Variants in CHN2 observed in about 807,000 individuals in gnomAD.
CHN2 encodes the protein chimerin 2.
A neutral mutation model predicts 56.3 loss-of-function variants in CHN2; 35 were observed. That is an observed-to-expected ratio of 0.62 (90% CI 0.47 to 0.82). The LOEUF is 0.82. Ranked by LOEUF, CHN2 falls within the 40% of genes least tolerant of loss-of-function variation. CHN2 has a pLI of 0.00. For missense variants in CHN2, 491 were observed against 580.5 expected (o/e 0.85, Z 1.58); for synonymous variants, 210 against 212.8 (o/e 0.99, Z 0.12).
chr7:29,400,499 C>A lies in CHN2; in HGVS notation c.291-44C>A, dbSNP rs371925471. On this transcript the variant is annotated intron_variant, in intron 5 of 12. Coordinates refer to ENST00000222792, the MANE Select transcript of CHN2 (RefSeq NM_004067.4). ...GCTATTGTTATCATTCCACACTGTG[C>A]TTATTTCTAACGTGGTTGTAATCCC... 5.5e-5 allele frequency: 87 copies of A among 1,588,022 alleles called. No individual in the cohort carries two copies. In the African/African-American group the frequency reaches 1.2e-3, roughly 21 times the overall value.
chr7:29,400,294 C>T, intron 5 of CHN2: 1 of 540,392 alleles, frequency 1.9e-6, no homozygotes. Context: ...CTGCCTCGTT[C>T]CAGTCATATA....
At chr7:29,415,128 C>A (rs1049646318) in intron 6 of CHN2, among the ~76,000 whole-genome samples, 6 of 152,238 alleles carry the variant, frequency 3.9e-5, no homozygotes, top group African/African-American at 1.2e-4. Context: ...ATTGCACTTA[C>A]AACGACTAGC....
At chr7:29,200,038 C>G (rs1227023717) in intron 1 of CHN2, 5 of 152,212 alleles carry the variant, frequency 3.3e-5, no homozygotes, top group African/African-American at 1.2e-4. Flanking sequence ...GTGGAAGCAA[C>G]TGGACATTTG....
chr7:29,422,536 C>T (rs1333462993), intron 6 of CHN2, among the ~76,000 whole-genome samples: 4 of 152,234 alleles, frequency 2.6e-5, no homozygotes, highest in Non-Finnish European at 5.9e-5. Context: ...CTGAGATTTT[C>T]CTTCACAAAT....
At chr7:29,180,828 C>T (rs1797978198) in intron 2 of CHN2, among the ~76,000 whole-genome samples, 1 of 152,160 alleles carries the variant, frequency 6.6e-6, no homozygotes, top group African/African-American at 2.4e-5. Flanking sequence ...AGACTCGTAT[C>T]ATCCGTATAC....
chr7:29,344,899 C>G (rs1341634275), intron 1 of CHN2, among the ~76,000 whole-genome samples: 1 of 152,178 alleles, frequency 6.6e-6, no homozygotes, highest in Non-Finnish European at 1.5e-5. Context: ...CATCCTCTTG[C>G]TATGTTACAG....
chr7:29,248,849 G>C (rs1239232855), intron 1 of CHN2, among the ~76,000 whole-genome samples: 3 of 152,172 alleles, frequency 2.0e-5, no homozygotes, highest in Non-Finnish European at 4.4e-5. Context: ...TGACTCTGGA[G>C]ATGAGCCGGG....
At chr7:29,300,340 A>G (rs1235905646) in intron 1 of CHN2, among the ~76,000 whole-genome samples, 1 of 152,142 alleles carries the variant, frequency 6.6e-6, no homozygotes, top group Non-Finnish European at 1.5e-5. Flanking sequence ...CTGAAAGAAG[A>G]GACAGGACTT....
intron 1 of CHN2, among the ~76,000 whole-genome samples, chr7:29,346,138 A>G (rs999379311): frequency 6.6e-6 from 1 of 152,304 alleles, no homozygotes; most frequent in African/African-American, 2.4e-5. Context: ...TGCAGCAGTC[A>G]GGATGACCTC....
At chr7:29,283,147 A>G (rs1791856246) in intron 1 of CHN2, among the ~76,000 whole-genome samples, 1 of 152,174 alleles carries the variant, frequency 6.6e-6, no homozygotes, top group Non-Finnish European at 1.5e-5. Context: ...TCCTGGGAAT[A>G]CCGTGTATTC....
rs1316945157 is a variant in CHN2, at chr7:29,442,658, C to A, written c.577-37621C>A. 2.0e-5 allele frequency among the ~76,000 whole-genome samples: 3 copies of A among 152,266 alleles called. No individual in the cohort carries two copies. The East Asian group carries it at 5.8e-4, about 29-fold the overall frequency. On this transcript the variant is annotated intron_variant, in intron 6 of 12. Coordinates refer to ENST00000222792, the MANE Select transcript of CHN2 (RefSeq NM_004067.4). ...GACCTGGTGGATTTCTGCCATTAAA[C>A]TATTTCATTTTCCCACATGCAAGAG...
intron 1 of CHN2, among the ~76,000 whole-genome samples, chr7:29,313,859 C>G (rs1466727150): frequency 6.6e-6 from 1 of 152,186 alleles, no homozygotes; most frequent in Non-Finnish European, 1.5e-5. Context: ...AAATTGTACA[C>G]GATGCAAGAG....
chr7:29,341,141 G>GTTC (rs1797026193), intron 1 of CHN2, among the ~76,000 whole-genome samples: 1 of 152,146 alleles, frequency 6.6e-6, no homozygotes, highest in East Asian at 1.9e-4. Flanking sequence ...CATCTTTCAG[G>GTTC]TTCTTCTTGG....
intron 2 of CHN2, among the ~76,000 whole-genome samples, chr7:29,173,883 T>C (rs1206472668): frequency 1.4e-5 from 2 of 145,774 alleles, no homozygotes; most frequent in Non-Finnish European, 3.0e-5. Context: ...ACCTGGGAGG[T>C]GGAGGCTGCA....
chr7:29,326,883 G>C (rs1004310114), intron 1 of CHN2, among the ~76,000 whole-genome samples: 6 of 152,158 alleles, frequency 3.9e-5, no homozygotes, highest in Admixed American at 1.3e-4. Flanking sequence ...TTCCATGCTA[G>C]GTATCCAGTG....
intron 1 of CHN2, among the ~76,000 whole-genome samples, chr7:29,219,648 A>G (rs1298056887): frequency 1.3e-5 from 2 of 152,240 alleles, no homozygotes; most frequent in Non-Finnish European, 2.9e-5. Context: ...AGACTGAGAA[A>G]GATTGAAAGT....
intron 2 of CHN2, among the ~76,000 whole-genome samples, chr7:29,189,727 C>G (rs1445137059): frequency 6.6e-6 from 1 of 152,006 alleles, no homozygotes; most frequent in Non-Finnish European, 1.5e-5. Flanking sequence ...TCTTTCCAGT[C>G]AAAGAGACTG....
chr7:29,512,757 A>G lies in CHN2; in HGVS notation c.*22A>G, dbSNP rs1258885552. ...CTAATCCATCAGGGAAATGAGCTGA[A>G]TGGCCCCAGCACCATCCAAGTTGAC... On this transcript the variant is annotated 3_prime_UTR_variant, in exon 13 of 13. Coordinates refer to ENST00000222792, the MANE Select transcript of CHN2 (RefSeq NM_004067.4). 2 of 1,612,370 alleles carry G rather than the reference A, an allele frequency of 1.2e-6. No homozygotes were observed. Among genetic ancestry groups the G allele is most frequent in the South Asian group, 1.1e-5 (1 of 90,818 alleles).
chr7:29,329,975 T>C (rs547165509), intron 1 of CHN2, among the ~76,000 whole-genome samples: 1 of 152,348 alleles, frequency 6.6e-6, no homozygotes, highest in South Asian at 2.1e-4. Context: ...CCTATTTTCA[T>C]GTGCTTGTTA....
Sources: allele counts gnomAD v4.1 joint callset (sites outside exome capture counted in the v4.1 genomes callset), GRCh38; gene constraint gnomAD v4.1.1; transcripts MANE v1.5; gene names NCBI Gene and HGNC (gene_info 2026-07-23, HGNC 2026-07-21).